The following ESR1 variants were observed in gnomAD, a reference collection of about 807,000 sequenced individuals.
ESR1 encodes estrogen receptor.
Under a neutral mutation model 52.7 loss-of-function variants are expected in ESR1, and 12 were observed. The ratio of observed to expected loss-of-function variants is 0.23; its 90% CI spans 0.15 to 0.37. The LOEUF (loss-of-function observed/expected upper bound fraction) is 0.37. ESR1 is among the 10% of genes least tolerant of loss of function. ESR1 has a pLI of 1.00. For synonymous variants in ESR1, 305 were observed against 316.8 expected (o/e 0.96, Z 0.39); for missense variants, 584 against 779.7 (o/e 0.75, Z 2.99).
chr6:152,015,478 C>T (rs1453822638), intron 5 of ESR1, among the ~76,000 whole-genome samples: 2 of 152,142 alleles, frequency 1.3e-5, no homozygotes, highest in African/African-American at 4.8e-5. Flanking sequence ...CTTACCTTCC[C>T]TACTAGCTCA....
chr6:151,867,797 T>C (rs148090879), intron 2 of ESR1, among the ~76,000 whole-genome samples: 10 of 152,328 alleles, frequency 6.6e-5, no homozygotes, highest in Middle Eastern at 6.8e-3. Flanking sequence ...GGCTGTCTTT[T>C]AGTTTGTTTT....
chr6:151,928,158 C>T (rs796889456), intron 3 of ESR1, among the ~76,000 whole-genome samples: 7 of 152,236 alleles, frequency 4.6e-5, no homozygotes, highest in African/African-American at 1.7e-4. Flanking sequence ...ATTTCAGATG[C>T]TCCTTGACTT....
At chr6:151,761,083 G>T (rs937975589) in intron 2 of ESR1, among the ~76,000 whole-genome samples, 1 of 151,622 alleles carries the variant, frequency 6.6e-6, no homozygotes, top group Non-Finnish European at 1.5e-5. Flanking sequence ...GTGGCTGGGC[G>T]AAGGGTATGC....
intron 4 of ESR1, among the ~76,000 whole-genome samples, chr6:151,986,886 G>A (rs1017161123): frequency 1.3e-5 from 2 of 151,996 alleles, no homozygotes; most frequent in African/African-American, 2.4e-5. Flanking sequence ...GTATGCTCAC[G>A]GAGTATGTGT....
rs528618599 is a variant in ESR1 at position 151,902,774 on chromosome 6, T to C, written c.760+22003T>C. Among the ~76,000 whole-genome samples the C allele has an allele frequency of 9.2e-4, 140 of 152,324 alleles. 2 individuals are homozygous for C. Among genetic ancestry groups the C allele is most frequent in the African/African-American group, 2.9e-3 (121 of 41,572 alleles). ...GCTTATGGTGAGCCCTTCATATAAATTGGTTACAATGGGTAATGAAAAGTA... is the reference window on the plus strand; with the variant it reads ...GCTTATGGTGAGCCCTTCATATAAACTGGTTACAATGGGTAATGAAAAGTA... On this transcript the variant is annotated intron_variant, in intron 3 of 7. Coordinates refer to ENST00000206249, the MANE Select transcript of ESR1 (RefSeq NM_000125.4).
At chr6:152,021,537 G>A (rs1469707227) in intron 5 of ESR1, among the ~76,000 whole-genome samples, 2 of 152,182 alleles carry the variant, frequency 1.3e-5, no homozygotes, top group African/African-American at 4.8e-5. Context: ...CCACAGCAGA[G>A]AATCAATTTC....
chr6:151,728,660 T>C (rs1277392165), intron 2 of ESR1, among the ~76,000 whole-genome samples: 1 of 152,182 alleles, frequency 6.6e-6, no homozygotes, highest in African/African-American at 2.4e-5. Flanking sequence ...ATAAGGAACA[T>C]ACCTGCCCCC....
chr6:151,676,025 C>T (rs1778238991), intron 1 of ESR1, among the ~76,000 whole-genome samples: 1 of 152,152 alleles, frequency 6.6e-6, no homozygotes, highest in African/African-American at 2.4e-5. Context: ...AAGGTTTGGA[C>T]TGCATCTGAG....
At chr6:151,700,678 T>C (rs1417513713) in intron 1 of ESR1, among the ~76,000 whole-genome samples, 1 of 150,756 alleles carries the variant, frequency 6.6e-6, no homozygotes, top group African/African-American at 2.4e-5. Context: ...CTTTTTTTTT[T>C]TTTTTTTTTT....
At chr6:151,753,333 T>A (rs1364861395) in intron 2 of ESR1, among the ~76,000 whole-genome samples, 1 of 151,750 alleles carries the variant, frequency 6.6e-6, no homozygotes, top group East Asian at 1.9e-4. Flanking sequence ...TTTTTTTTTT[T>A]TTTTGAGACA....
intron 5 of ESR1, among the ~76,000 whole-genome samples, chr6:152,039,709 C>G (rs545054449): frequency 6.6e-6 from 1 of 152,062 alleles, no homozygotes. Flanking sequence ...GACACTGATC[C>G]GGAGCATACA....
At position 152,061,221 on chromosome 6, in the gene ESR1, T is replaced by A; in HGVS notation, c.1369+97T>A. ...TACCCACTCCAAAGGCATAATGTCA[T>A]AAATAGAAAGAAACTACTGACACAC... On this transcript the variant is annotated intron_variant, in intron 6 of 7. Coordinates refer to ENST00000206249, the MANE Select transcript of ESR1 (RefSeq NM_000125.4). The surrounding 1 kb of genome is among the most constrained non-coding windows in gnomAD (Gnocchi z 4.3). 2 of 1,210,382 alleles carry A rather than the reference T, an allele frequency of 1.7e-6. No homozygotes were observed. The highest frequency in any genetic ancestry group is 2.4e-6 in the Non-Finnish European group (2 of 821,346). 75.0% of individuals were successfully genotyped at this position (1,210,382 alleles called of 1,614,324 possible).
At chr6:151,753,518 G>A (rs1173219182) in intron 2 of ESR1, among the ~76,000 whole-genome samples, 1 of 151,912 alleles carries the variant, frequency 6.6e-6, no homozygotes, top group East Asian at 1.9e-4. Flanking sequence ...AGGTTTCACC[G>A]TGTTGACTAG....
chr6:151,985,655 A>G (rs901379921), intron 4 of ESR1, among the ~76,000 whole-genome samples: 2 of 151,644 alleles, frequency 1.3e-5, no homozygotes, highest in Non-Finnish European at 2.9e-5. Context: ...GGCAATCGTC[A>G]TAACTTTTTA....
chr6:151,677,365 A>G (rs1425370129), intron 1 of ESR1, among the ~76,000 whole-genome samples: 1 of 152,184 alleles, frequency 6.6e-6, no homozygotes, highest in Non-Finnish European at 1.5e-5. Flanking sequence ...GTGCTTGATG[A>G]CAATATCTCC....
rs1302991748 is a variant in ESR1, at chr6:151,769,229, A to C, written c.-70-38614A>C. ...CTCTCCACGCTGGCTTCTGGGCCACAGAAGAAAAGATCTAATCAAACTCAT... is the reference window on the plus strand; with the variant it reads ...CTCTCCACGCTGGCTTCTGGGCCACCGAAGAAAAGATCTAATCAAACTCAT... On this transcript the variant is annotated intron_variant, in intron 2 of 2. Transcript: ENST00000404742. Among the ~76,000 whole-genome samples, 3 of 152,222 alleles carry C rather than the reference A, an allele frequency of 2.0e-5. No homozygotes were observed. The East Asian group carries it at 5.8e-4, about 29-fold the overall frequency.
intron 5 of ESR1, among the ~76,000 whole-genome samples, chr6:152,049,218 T>C (rs2046471080): frequency 6.6e-6 from 1 of 152,248 alleles, no homozygotes; most frequent in Non-Finnish European, 1.5e-5. Context: ...AAGTGTGTTT[T>C]ACACATTCTG....
chr6:152,065,781 T>C (rs553926400), intron 6 of ESR1, among the ~76,000 whole-genome samples: 1 of 152,328 alleles, frequency 6.6e-6, no homozygotes, highest in Non-Finnish European at 1.5e-5. Flanking sequence ...ACAGGGCCAC[T>C]TGTTCCCCTG....
Position 152,102,955 on chromosome 6 carries a change from T to C in ESR1, c.*3989T>C, listed in dbSNP as rs2051005418. 1 of 223,136 alleles carries C rather than the reference T, an allele frequency of 4.5e-6. No homozygotes were observed. The highest frequency in any genetic ancestry group is 2.2e-5 in the African/African-American group (1 of 44,728). The allele number at this position is 223,136 out of a possible 1,614,324, so 13.8% of individuals were successfully genotyped here. A position where few individuals can be genotyped will look rare whatever the true frequency, so the allele number is the denominator to read the frequency against. On this transcript the variant is annotated 3_prime_UTR_variant, in exon 8 of 8. Transcript: ENST00000206249. ...AGGTCATTGGTTATAGAGACTTGAA[T>C]TAATAAGTGACATTATGCCAGTTTC...
Sources: gnomAD v4.1 joint callset for allele counts (sites outside exome capture counted in the v4.1 genomes callset) on GRCh38, gnomAD v4.1.1 for gene constraint, Gnocchi (gnomAD v3.1) non-coding constraint, MANE v1.5 for transcripts, NCBI Gene and HGNC (gene_info 2026-07-23, HGNC 2026-07-21) for gene names.